Variants in ZNF599 observed in about 807,000 individuals in gnomAD.
The protein encoded by ZNF599 is zinc finger protein 599.
Under a neutral mutation model 11.7 loss-of-function variants are expected in ZNF599, and 10 were observed. The observed-to-expected ratio is 0.86, with a 90% CI of 0.53 to 1.45. ZNF599 has a LOEUF of 1.45. Among genes scored for constraint, ZNF599 ranks in the 40% most tolerant of loss-of-function variants. The pLI, the probability that ZNF599 is intolerant of heterozygous loss-of-function variation, is 0.00. For synonymous variants in ZNF599, 232 were observed against 253.2 expected (o/e 0.92, Z 0.79); for missense variants, 688 against 713.6 (o/e 0.96, Z 0.41).
intron 3 of ZNF599, among the ~76,000 whole-genome samples, chr19:34,761,113 T>A (rs942871750): frequency 6.6e-6 from 1 of 152,052 alleles, no homozygotes; most frequent in Non-Finnish European, 1.5e-5. Context: ...TGCTGAGTAA[T>A]GTAAATGGGA....
At chr19:34,803,878 ATTCC>A in the ZNF599 span, among the ~76,000 whole-genome samples, 1 of 152,154 alleles carries the variant, frequency 6.6e-6, no homozygotes, top group East Asian at 1.9e-4. Context: ...TCTTTAGGCT[ATTCC>A]TCTCTCATAT....
the ZNF599 span, among the ~76,000 whole-genome samples, chr19:34,795,324 G>T: frequency 6.6e-6 from 1 of 152,172 alleles, no homozygotes; most frequent in Non-Finnish European, 1.5e-5. Flanking sequence ...GACCCAAGCT[G>T]GAGTGTAGTG....
Position 34,769,495 on chromosome 19 carries a change from C to A in ZNF599, c.79G>T (p.Asp27Tyr), listed in dbSNP as rs1013226038. ...TGGTACAGGGTCCTCTGGGCCAGGT[C>A]CAGGTGCCCCCATTCCTCTCCAGTG... is the stretch of plus-strand genomic sequence containing the variant. ...TFTGEEWGHLDLAQRTLYQEV... is the reference protein window; with the variant it reads ...TFTGEEWGHLYLAQRTLYQEV... The change falls in exon 2 of 4, where the codon GAC becomes TAC. Residue 27 changes from aspartate to tyrosine, a missense_variant. Asp to Tyr is a radical substitution (Grantham distance 160, BLOSUM62 -3). Transcript: ENST00000329285. The A allele has an allele frequency of 1.2e-6, 2 of 1,614,100 alleles. No individual in the cohort carries two copies. Among genetic ancestry groups the A allele is most frequent in the African/African-American group, 2.7e-5 (2 of 74,944 alleles).
At chr19:34,790,868 ATAT>A in the ZNF599 span, among the ~76,000 whole-genome samples, 1 of 152,146 alleles carries the variant, frequency 6.6e-6, no homozygotes, top group East Asian at 1.9e-4. Flanking sequence ...CCATAAATTC[ATAT>A]TATTTGTCAA....
At chr19:34,775,776 A>C (rs1456807278), upstream of ZNF599, among the ~76,000 whole-genome samples, 1 of 152,206 alleles carries the variant, frequency 6.6e-6, no homozygotes, top group Non-Finnish European at 1.5e-5. Context: ...TCTAAGCTTT[A>C]TTTATGAGGA....
chr19:34,806,005 C>A, the ZNF599 span, among the ~76,000 whole-genome samples: 3,057 of 152,214 alleles, frequency 0.02, 70 homozygotes, highest in Admixed American at 0.055. Context: ...TCAAGCAACC[C>A]CAGTCTCAAG....
the ZNF599 span, among the ~76,000 whole-genome samples, chr19:34,785,751 G>C: frequency 6.6e-6 from 1 of 152,254 alleles, no homozygotes; most frequent in African/African-American, 2.4e-5. Flanking sequence ...CAGGTCTGAT[G>C]GGCTCAACCT....
chr19:34,779,483 G>A, the ZNF599 span: 1 of 456,604 alleles, frequency 2.2e-6, no homozygotes, highest in Admixed American at 2.4e-5. Context: ...TGGGGCTTTG[G>A]ATAATTTCTC....
At chr19:34,767,885 G>C (rs1028261956) in intron 2 of ZNF599, among the ~76,000 whole-genome samples, 1 of 152,326 alleles carries the variant, frequency 6.6e-6, no homozygotes, top group Middle Eastern at 3.4e-3. Context: ...GCATGGATTG[G>C]CACTGACCAA....
intron 2 of ZNF599, among the ~76,000 whole-genome samples, chr19:34,768,354 T>C (rs1464628918): frequency 6.6e-6 from 1 of 152,194 alleles, no homozygotes; most frequent in Admixed American, 6.5e-5. Context: ...CTAATCACAG[T>C]TGTCATAAAA....
chr19:34,759,686 C>G lies in ZNF599; in HGVS notation c.1115G>C (p.Cys372Ser). 6.2e-7 allele frequency: 1 copy of G among 1,614,212 alleles called. No homozygotes were observed. The highest frequency in any genetic ancestry group is 8.5e-7 in the Non-Finnish European group (1 of 1,180,046). The change falls in exon 4 of 4, where the codon TGT (cysteine) becomes TCT (serine). Residue 372 changes from cysteine (C) to serine (S), a missense_variant. Physicochemically the swap from Cys to Ser is moderately radical, Grantham distance 112. Transcript: ENST00000329285. ...TGEKPFLCKE[C>S]GKTFCLNSSF... The stretch of plus-strand genomic sequence containing the variant: ...TGAGTTGAGGCAAAAGGTTTTTCCA[C>G]ATTCTTTACATAAAAATGGTTTTTC...
the ZNF599 span, among the ~76,000 whole-genome samples, chr19:34,802,081 T>C: frequency 2.4e-3 from 363 of 152,328 alleles, no homozygotes; most frequent in African/African-American, 8.4e-3. Context: ...CATCTTTCAC[T>C]TCATGCCAAT....
intron 3 of ZNF599, among the ~76,000 whole-genome samples, chr19:34,766,252 T>C (rs2069142218): frequency 6.6e-6 from 1 of 152,158 alleles, no homozygotes; most frequent in Non-Finnish European, 1.5e-5. Flanking sequence ...TCCAGCTTCC[T>C]CTGGCAGCCC....
At chr19:34,799,149 T>G in the ZNF599 span, among the ~76,000 whole-genome samples, 1 of 152,168 alleles carries the variant, frequency 6.6e-6, no homozygotes, top group African/African-American at 2.4e-5. Context: ...ACCACAGGCA[T>G]GCACCACCCC....
chr19:34,759,307 CAT>C lies in ZNF599; in HGVS notation c.1492_1493del (p.Met498GlufsTer12), dbSNP rs765355216. 9 of 1,614,104 alleles carry C rather than the reference CAT, an allele frequency of 5.6e-6. No individual in the cohort carries two copies. The highest frequency in any genetic ancestry group is 1.6e-4 in the Middle Eastern group (1 of 6,084). On this transcript the variant is annotated frameshift_variant, in exon 4 of 4. Transcript: ENST00000329285. LOFTEE classifies it low-confidence loss of function (END_TRUNC). ...AGGGCTTCTCTCCAGTGTGAATCCT[CAT>C]GTGTCGAGTGAAGGAAGAGCTATAG... is the stretch of plus-strand genomic sequence containing the variant. ...FYYSSSFTRH[M>X]RIHTGEKPYV...
chr19:34,768,046 T>G (rs1398227354), intron 2 of ZNF599, among the ~76,000 whole-genome samples: 1 of 152,134 alleles, frequency 6.6e-6, no homozygotes, highest in Non-Finnish European at 1.5e-5. Context: ...TGGAGAGAAG[T>G]CAATGACTGA....
At chr19:34,794,895 T>C in the ZNF599 span, among the ~76,000 whole-genome samples, 1 of 152,086 alleles carries the variant, frequency 6.6e-6, no homozygotes, top group African/African-American at 2.4e-5. Flanking sequence ...TAAGGGGTTG[T>C]AGAAGGGTAG....
the ZNF599 span, among the ~76,000 whole-genome samples, chr19:34,789,767 T>C: frequency 4.7e-3 from 720 of 152,344 alleles, 20 homozygotes; most frequent in East Asian, 0.072. Context: ...ATCAAATGTA[T>C]AGCTTGAAAA....
the ZNF599 span, among the ~76,000 whole-genome samples, chr19:34,802,932 C>T: frequency 1.1e-4 from 16 of 152,154 alleles, no homozygotes; most frequent in Non-Finnish European, 4.4e-5. Flanking sequence ...CTTGGAGCAA[C>T]AGACTACAGG....
Sources: gnomAD v4.1 joint callset for allele counts (sites outside exome capture counted in the v4.1 genomes callset) on GRCh38, gnomAD v4.1.1 for gene constraint, MANE v1.5 for transcripts, NCBI Gene and HGNC (gene_info 2026-07-23, HGNC 2026-07-21) for gene names.